Variants in NAV2 observed in about 807,000 individuals in gnomAD.
NAV2 encodes the protein helicase, APC down-regulated 1.
Under a neutral mutation model 223.2 loss-of-function variants are expected in NAV2, and 54 were observed. The observed-to-expected ratio is 0.24, with a 90% CI of 0.19 to 0.30. NAV2 has a LOEUF of 0.30. NAV2 is among the 10% of genes least tolerant of loss of function. The pLI is 1.00. For synonymous variants in NAV2, 1,279 were observed against 1,239.3 expected, an observed-to-expected ratio of 1.03 and a Z score of -0.67; for missense variants, 2,806 against 3,147.5, an observed-to-expected ratio of 0.89 and a Z score of 2.60.
chr11:19,959,872 C>G (rs1485681374), intron 10 of NAV2, among the ~76,000 whole-genome samples: 1 of 152,132 alleles, frequency 6.6e-6, no homozygotes, highest in African/African-American at 2.4e-5. Flanking sequence ...CTTCTTCCCC[C>G]CCCACCATCT....
intron 1 of NAV2, among the ~76,000 whole-genome samples, chr11:19,361,609 G>T (rs1359841468): frequency 6.6e-6 from 1 of 152,050 alleles, no homozygotes; most frequent in Non-Finnish European, 1.5e-5. Flanking sequence ...GAAGCCCAGG[G>T]AGCCAGCTTC....
intron 1 of NAV2, among the ~76,000 whole-genome samples, chr11:19,763,328 C>A (rs550732146): frequency 6.6e-6 from 1 of 152,296 alleles, no homozygotes; most frequent in East Asian, 1.9e-4. Context: ...GCATAGCATG[C>A]AAGAATTCTG....
At chr11:20,051,420 G>A in intron 17 of NAV2, 87 bp downstream of exon 17, 2 of 1,293,694 alleles carry the variant, frequency 1.5e-6, no homozygotes, top group Non-Finnish European at 2.3e-6. Flanking sequence ...GTGGGGGTTT[G>A]GGCTGGGCTG....
At chr11:19,352,761 G>A (rs976992115) in intron 1 of NAV2, among the ~76,000 whole-genome samples, 1 of 152,218 alleles carries the variant, frequency 6.6e-6, no homozygotes, top group Admixed American at 6.5e-5. Flanking sequence ...CTGGGCTGTG[G>A]TTGAAACTTT....
chr11:20,027,509 C>T (rs2055224682), intron 11 of NAV2: 1 of 967,590 alleles, frequency 1.0e-6, no homozygotes, highest in Non-Finnish European at 1.2e-6. Flanking sequence ...GCAGTGTGAG[C>T]TTAGTCACCT....
chr11:19,466,569 T>G (rs1852358335), intron 1 of NAV2, among the ~76,000 whole-genome samples: 1 of 152,232 alleles, frequency 6.6e-6, no homozygotes, highest in Non-Finnish European at 1.5e-5. Context: ...AAATTGTCCA[T>G]TCACTGAGAC....
intron 26 of NAV2, among the ~76,000 whole-genome samples, chr11:20,089,854 C>A (rs1358339906): frequency 6.6e-6 from 1 of 152,120 alleles, no homozygotes; most frequent in Non-Finnish European, 1.5e-5. Flanking sequence ...CTAGAAGAAC[C>A]ACCTCTTCAG....
At chr11:19,475,243 C>T (rs950443540) in intron 1 of NAV2, among the ~76,000 whole-genome samples, 2 of 152,160 alleles carry the variant, frequency 1.3e-5, no homozygotes, top group Non-Finnish European at 2.9e-5. Context: ...TTTTGTGTTA[C>T]GTCAAAGGAT....
chr11:19,993,276 C>T (rs534339706), intron 11 of NAV2, among the ~76,000 whole-genome samples: 4 of 152,202 alleles, frequency 2.6e-5, no homozygotes, highest in African/African-American at 7.2e-5. Flanking sequence ...ACATCATTCT[C>T]ACTCTGGGAT....
intron 1 of NAV2, among the ~76,000 whole-genome samples, chr11:19,450,089 T>A (rs1851739023): frequency 6.6e-6 from 1 of 152,186 alleles, no homozygotes; most frequent in Non-Finnish European, 1.5e-5. Flanking sequence ...GAAAAGACCT[T>A]CTGGGACAAC....
intron 1 of NAV2, among the ~76,000 whole-genome samples, chr11:19,408,011 T>A (rs1357049819): frequency 6.6e-6 from 1 of 152,186 alleles, no homozygotes; most frequent in Non-Finnish European, 1.5e-5. Flanking sequence ...ATCACCGTGC[T>A]GACCTGGGAC....
intron 1 of NAV2, among the ~76,000 whole-genome samples, chr11:19,417,979 G>A (rs939007729): frequency 5.9e-5 from 9 of 152,100 alleles, no homozygotes; most frequent in African/African-American, 9.7e-5. Context: ...GGGGATGGGC[G>A]TCTAGGGGAG....
At chr11:20,056,089 C>T in intron 19 of NAV2, 132 bp downstream of exon 19, 1 of 787,824 alleles carries the variant, frequency 1.3e-6, no homozygotes, top group Non-Finnish European at 2.0e-6. Flanking sequence ...CCACCTCTCC[C>T]ACCTACTCTG....
At chr11:19,492,577 A>T (rs1321525432) in intron 1 of NAV2, among the ~76,000 whole-genome samples, 1 of 152,122 alleles carries the variant, frequency 6.6e-6, no homozygotes, top group Non-Finnish European at 1.5e-5. Context: ...GCCAGCTTCC[A>T]CTTCATGGGG....
chr11:20,059,735 C>T (rs556787980), intron 19 of NAV2, among the ~76,000 whole-genome samples: 2 of 152,282 alleles, frequency 1.3e-5, no homozygotes, highest in South Asian at 4.1e-4. Context: ...TCAGATTTCT[C>T]AATGGCAGAA....
chr11:19,923,090 CTAG>C (rs2044420920), intron 6 of NAV2, among the ~76,000 whole-genome samples: 1 of 152,190 alleles, frequency 6.6e-6, no homozygotes, highest in Admixed American at 6.5e-5. Context: ...CCACATTTTA[CTAG>C]ATTATAACAT....
intron 1 of NAV2, among the ~76,000 whole-genome samples, chr11:19,620,690 A>G (rs144771614): frequency 0.013 from 1,921 of 152,312 alleles, 45 homozygotes; most frequent in East Asian, 0.063. Flanking sequence ...TAAATATACA[A>G]TCATGTCATC....
At chr11:20,056,642 C>A (rs778168499) in intron 19 of NAV2, 10 of 1,571,882 alleles carry the variant, frequency 6.4e-6, no homozygotes, top group Non-Finnish European at 7.0e-6. Flanking sequence ...AGTAAGCAGT[C>A]AAAATTCTGT....
At chr11:20,078,767 A>G (rs4757029) in intron 24 of NAV2, among the ~76,000 whole-genome samples, 134,325 of 152,256 alleles carry the variant, frequency 0.88, 59,365 homozygotes, top group East Asian at 0.96. Flanking sequence ...CTAGGAAAAC[A>G]TTTCTAAGTG....
Sources: allele counts gnomAD v4.1 joint callset (sites outside exome capture counted in the v4.1 genomes callset), GRCh38; gene constraint gnomAD v4.1.1; transcripts MANE v1.5; gene names NCBI Gene and HGNC (gene_info 2026-07-23, HGNC 2026-07-21).